The following VWC2 variants were observed in gnomAD, a reference collection of about 807,000 sequenced individuals.
The protein encoded by VWC2 is brorin.
Under a neutral mutation model 29.8 loss-of-function variants are expected in VWC2, and 14 were observed. That is an observed-to-expected ratio of 0.47 (90% CI 0.31 to 0.74). The LOEUF (loss-of-function observed/expected upper bound fraction) is 0.74. Ranked by LOEUF, VWC2 falls within the 30% of genes least tolerant of loss-of-function variation. The probability of loss-of-function intolerance (pLI) is 0.05; values close to 1 mark genes in which losing one functional copy is unlikely to be tolerated. For missense variants in VWC2, 457 were observed against 459.8 expected, an observed-to-expected ratio of 0.99 and a Z score of 0.05; for synonymous variants, 213 against 199.0, an observed-to-expected ratio of 1.07 and a Z score of -0.59.
intron 3 of VWC2, among the ~76,000 whole-genome samples, chr7:49,897,138 A>G (rs10236247): frequency 6.6e-6 from 1 of 150,688 alleles, no homozygotes; most frequent in Non-Finnish European, 1.5e-5. Context: ...CTCATGATCC[A>G]CCCGCCTCGG....
At chr7:49,880,825 C>G (rs966466002) in intron 3 of VWC2, among the ~76,000 whole-genome samples, 1 of 151,962 alleles carries the variant, frequency 6.6e-6, no homozygotes, top group African/African-American at 2.4e-5. Context: ...CTTCATTATG[C>G]CACGGGAAGC....
At chr7:49,774,355 C>G (rs1005405729) in intron 1 of VWC2, among the ~76,000 whole-genome samples, 2 of 152,140 alleles carry the variant, frequency 1.3e-5, no homozygotes, top group African/African-American at 4.8e-5. Context: ...AGGGGACAGA[C>G]GCACCGGAGT....
At chr7:49,872,198 T>C (rs1231869164) in intron 3 of VWC2, among the ~76,000 whole-genome samples, 1 of 152,066 alleles carries the variant, frequency 6.6e-6, no homozygotes, top group Non-Finnish European at 1.5e-5. Context: ...TTGGTCACAT[T>C]TAAGGAGAGA....
At chr7:49,844,889 G>C (rs1789885931) in intron 3 of VWC2, among the ~76,000 whole-genome samples, 3 of 151,968 alleles carry the variant, frequency 2.0e-5, no homozygotes, top group Admixed American at 2.0e-4. Flanking sequence ...CACCATGTTG[G>C]CCAGGCTAGT....
At chr7:49,844,845 A>G (rs558383552) in intron 3 of VWC2, among the ~76,000 whole-genome samples, 65 of 152,222 alleles carry the variant, frequency 4.3e-4, no homozygotes, top group African/African-American at 1.4e-3. Context: ...GGTGCCCGCC[A>G]CTACGTCCAA....
At chr7:49,906,484 C>T (rs192092360) in intron 3 of VWC2, among the ~76,000 whole-genome samples, 86 of 152,052 alleles carry the variant, frequency 5.7e-4, no homozygotes, top group Non-Finnish European at 2.8e-4. Context: ...TACAGGCACC[C>T]GCCACCACAC....
chr7:49,872,915 CAAAAAAAAAAAAA>C (rs61473396), intron 3 of VWC2, among the ~76,000 whole-genome samples: 1 of 33,946 alleles, frequency 2.9e-5, no homozygotes, highest in East Asian at 1.1e-3. Context: ...GACTTTGTCT[CAAAAAAAAAAAAA>C]AAAAAAAAAG....
chr7:49,880,763 A>G (rs1238027728), intron 3 of VWC2, among the ~76,000 whole-genome samples: 4 of 152,080 alleles, frequency 2.6e-5, no homozygotes, highest in Non-Finnish European at 4.4e-5. Flanking sequence ...GCACACCAAC[A>G]TGGCACATGT....
intron 3 of VWC2, among the ~76,000 whole-genome samples, chr7:49,856,209 A>G (rs2128718413): frequency 6.6e-6 from 1 of 152,288 alleles, no homozygotes; most frequent in East Asian, 1.9e-4. Flanking sequence ...GATGGGGCCT[A>G]GTGGGAGGTG....
At chr7:49,900,719 A>G (rs1792677557) in intron 3 of VWC2, among the ~76,000 whole-genome samples, 1 of 151,840 alleles carries the variant, frequency 6.6e-6, no homozygotes, top group South Asian at 2.1e-4. Flanking sequence ...CTGGTGAATT[A>G]TACCAAACAT....
In VWC2 at chr7:49,896,326, G is replaced by T. The variant is rs1010380133; in HGVS notation, c.827-15708G>T. ...ACTGCACTCTACCCTGAGTGAAAGA[G>T]CAAGACTCTACTTCAAAAAAAGGAA... On this transcript the variant is annotated intron_variant, in intron 3 of 3. Transcript: ENST00000340652. Among the ~76,000 whole-genome samples the T allele has an allele frequency of 2.6e-5, 4 of 152,190 alleles. No homozygotes were observed. The East Asian group carries it at 5.8e-4, about 22-fold the overall frequency.
chr7:49,900,515 A>G (rs1352689325), intron 3 of VWC2, among the ~76,000 whole-genome samples: 1 of 151,832 alleles, frequency 6.6e-6, no homozygotes, highest in Non-Finnish European at 1.5e-5. Flanking sequence ...ATAATAAAAA[A>G]ATACTACAAA....
rs371211406 is a variant in VWC2 at position 49,783,971 on chromosome 7, C to G, written c.696+7840C>G. Among the ~76,000 whole-genome samples the G allele has an allele frequency of 2.6e-4, 40 of 151,786 alleles. No homozygotes were observed. The South Asian group carries it at 2.9e-3, about 11-fold the overall frequency. On this transcript the variant is annotated intron_variant, in intron 2 of 3. Transcript: ENST00000340652. ...GTGGCTCTGCACATTTCCAAGTATC[C>G]AAGAATAGCAAAAGTGATGATGCTT...
At chr7:49,795,515 A>G (rs1280234588) in intron 2 of VWC2, among the ~76,000 whole-genome samples, 1 of 152,166 alleles carries the variant, frequency 6.6e-6, no homozygotes, top group East Asian at 1.9e-4. Flanking sequence ...TTTAGTATCT[A>G]TGCCTTCTAT....
chr7:49,779,285 T>A (rs554317175), intron 2 of VWC2, among the ~76,000 whole-genome samples: 1 of 152,326 alleles, frequency 6.6e-6, no homozygotes, highest in South Asian at 2.1e-4. Flanking sequence ...GTTTTTTCCC[T>A]TCTTTCTGTA....
intron 3 of VWC2, among the ~76,000 whole-genome samples, chr7:49,845,261 TG>T (rs1318645617): frequency 2.0e-5 from 3 of 151,198 alleles, no homozygotes; most frequent in Non-Finnish European, 4.4e-5. Context: ...CTGCATACAC[TG>T]CACATGTACC....
At position 49,775,579 on chromosome 7, in the gene VWC2, T is replaced by C. The variant is rs1277539939; in HGVS notation, c.144T>C (p.Arg48=). Residue 48 remains arginine (R), a synonymous_variant, in exon 2 of 4, where the codon CGT becomes CGC. Coordinates refer to ENST00000340652, the MANE Select transcript of VWC2 (RefSeq NM_198570.5). ...CAGAGCAGCCGGGCCAGGAGAAGCG[T>C]GAGCACGCCTCTCGGGACGGCCCGG... ...QAPEQPGQEK[R]EHASRDGPGR... is the part of the protein sequence containing the mutation. 1.3e-6 allele frequency: 2 copies of C among 1,539,404 alleles called. No homozygotes were observed. The highest frequency in any genetic ancestry group is 2.8e-5 in the African/African-American group (2 of 71,076).
chr7:49,895,553 A>C (rs1364221298), intron 3 of VWC2, among the ~76,000 whole-genome samples: 1 of 152,220 alleles, frequency 6.6e-6, no homozygotes, highest in Non-Finnish European at 1.5e-5. Flanking sequence ...ATGAGGCAAG[A>C]AAAGCATTAT....
At chr7:49,888,498 A>G (rs891212453) in intron 3 of VWC2, among the ~76,000 whole-genome samples, 1 of 152,290 alleles carries the variant, frequency 6.6e-6, no homozygotes, top group East Asian at 1.9e-4. Context: ...CCATGTCACT[A>G]TGAAGGGGTT....
Sources: gnomAD v4.1 joint callset for allele counts (sites outside exome capture counted in the v4.1 genomes callset) on GRCh38, gnomAD v4.1.1 for gene constraint, MANE v1.5 for transcripts, NCBI Gene and HGNC (gene_info 2026-07-23, HGNC 2026-07-21) for gene names.